Variants in IQCM observed in about 807,000 individuals in gnomAD.
IQCM encodes IQ motif containing M.
Under a neutral mutation model 57.6 loss-of-function variants are expected in IQCM, and 45 were observed. That is an observed-to-expected ratio of 0.78 (90% CI 0.62 to 1.00). IQCM has a LOEUF of 1.00. IQCM is among the 50% of genes least tolerant of loss of function. The probability of loss-of-function intolerance (pLI) is 0.00; values close to 1 mark genes in which losing one functional copy is unlikely to be tolerated. For missense variants in IQCM, 468 were observed against 511.6 expected, an observed-to-expected ratio of 0.91 and a Z score of 0.82; for synonymous variants, 148 against 158.9, an observed-to-expected ratio of 0.93 and a Z score of 0.51.
chr4:149,715,098 G>A (rs901195288), intron 5 of IQCM, among the ~76,000 whole-genome samples: 18 of 152,148 alleles, frequency 1.2e-4, no homozygotes, highest in African/African-American at 3.9e-4. Flanking sequence ...GGATCCTTGG[G>A]GCATCACTTC....
intron 13 of IQCM, among the ~76,000 whole-genome samples, chr4:149,412,931 A>G (rs1733491562): frequency 6.6e-6 from 1 of 152,092 alleles, no homozygotes; most frequent in South Asian, 2.1e-4. Context: ...GTGGTGGGTG[A>G]TGGAGTGGAG....
At chr4:149,356,788 A>T (rs1729024749) in intron 13 of IQCM, among the ~76,000 whole-genome samples, 1 of 152,184 alleles carries the variant, frequency 6.6e-6, no homozygotes. Context: ...GAAGAAAGTC[A>T]TTGGTAGCTT....
intron 7 of IQCM, among the ~76,000 whole-genome samples, chr4:149,654,734 C>A (rs1264553140): frequency 6.6e-6 from 1 of 152,088 alleles, no homozygotes; most frequent in Non-Finnish European, 1.5e-5. Context: ...CTTTGGAGCA[C>A]AACATCCAAG....
At chr4:149,728,117 C>A (rs1369907702) in intron 5 of IQCM, among the ~76,000 whole-genome samples, 1 of 152,220 alleles carries the variant, frequency 6.6e-6, no homozygotes, top group Admixed American at 6.5e-5. Context: ...GCTCACTCCT[C>A]TCCAGCTGAT....
At chr4:149,795,798 G>A (rs1159641346) in intron 2 of IQCM, among the ~76,000 whole-genome samples, 1 of 152,168 alleles carries the variant, frequency 6.6e-6, no homozygotes, top group Non-Finnish European at 1.5e-5. Context: ...CTAGCTCCTG[G>A]ATGACACTTC....
chr4:149,440,876 AG>A (rs1735874025), intron 12 of IQCM, among the ~76,000 whole-genome samples: 1 of 152,130 alleles, frequency 6.6e-6, no homozygotes, highest in Non-Finnish European at 1.5e-5. Context: ...CTATAATTTA[AG>A]GCTTGTTTAT....
At chr4:149,656,752 C>T (rs17026361) in intron 7 of IQCM, among the ~76,000 whole-genome samples, 2,056 of 151,974 alleles carry the variant, frequency 0.014, 25 homozygotes, top group Admixed American at 0.02. Flanking sequence ...TGCACTGGTA[C>T]GTAGGGCGGA....
chr4:149,506,195 A>G (rs1743796644), intron 12 of IQCM, among the ~76,000 whole-genome samples: 1 of 152,210 alleles, frequency 6.6e-6, no homozygotes, highest in Non-Finnish European at 1.5e-5. Context: ...GTCCTTGGGA[A>G]CATTCAGGGG....
At chr4:149,778,190 C>T (rs532663906) in intron 2 of IQCM, among the ~76,000 whole-genome samples, 13 of 152,266 alleles carry the variant, frequency 8.5e-5, no homozygotes, top group African/African-American at 2.9e-4. Flanking sequence ...TCCTGGCTAA[C>T]ACGGTGAAAC....
intron 13 of IQCM, among the ~76,000 whole-genome samples, chr4:149,418,625 G>A (rs1429041153): frequency 6.6e-6 from 1 of 152,018 alleles, no homozygotes; most frequent in East Asian, 1.9e-4. Context: ...AAACCTGACA[G>A]AGATTCAATA....
At chr4:149,380,394 T>C (rs1431668595) in intron 13 of IQCM, among the ~76,000 whole-genome samples, 2 of 152,136 alleles carry the variant, frequency 1.3e-5, no homozygotes, top group African/African-American at 4.8e-5. Context: ...TTATTCCAGA[T>C]GTAATTACAA....
At chr4:149,731,973 C>T (rs1424222467) in intron 5 of IQCM, among the ~76,000 whole-genome samples, 1 of 152,122 alleles carries the variant, frequency 6.6e-6, no homozygotes, top group Non-Finnish European at 1.5e-5. Context: ...AGCCCTCCTC[C>T]ACACTTTATG....
intron 12 of IQCM, among the ~76,000 whole-genome samples, chr4:149,456,951 T>C (rs1021355441): frequency 2.0e-5 from 3 of 152,056 alleles, no homozygotes; most frequent in African/African-American, 4.8e-5. Context: ...ACACATGAGA[T>C]TGCATCAATT....
intron 7 of IQCM, among the ~76,000 whole-genome samples, chr4:149,664,779 T>A (rs1364305175): frequency 6.6e-6 from 1 of 152,080 alleles, no homozygotes; most frequent in Non-Finnish European, 1.5e-5. Context: ...TACAAGCAAG[T>A]TCTGCAAGTC....
intron 13 of IQCM, among the ~76,000 whole-genome samples, chr4:149,424,248 C>T (rs1298521765): frequency 6.6e-6 from 1 of 151,488 alleles, no homozygotes; most frequent in Non-Finnish European, 1.5e-5. Context: ...ATAAAATGGC[C>T]TCATTTCTCC....
intron 10 of IQCM, among the ~76,000 whole-genome samples, chr4:149,556,133 C>T (rs1341538112): frequency 6.6e-6 from 1 of 152,082 alleles, no homozygotes; most frequent in Admixed American, 6.5e-5. Flanking sequence ...AAAAAAAGTA[C>T]AAATTTCTAC....
rs181731844 is a variant in IQCM at position 149,412,540 on chromosome 4, T to G, written c.1390+20856A>C. On this transcript the variant is annotated intron_variant, in intron 13 of 13. Coordinates refer to ENST00000636793, the MANE Select transcript of IQCM (RefSeq NM_001363507.2). ...ACAATCTCACATTTCTTCTACTCAC[T>G]CATTCAAAACTATTTACTGAGCACT... is the stretch of plus-strand genomic sequence containing the variant. 7.8e-4 allele frequency among the ~76,000 whole-genome samples: 119 copies of G among 152,264 alleles called. 1 individual carries two copies. Among genetic ancestry groups the G allele is most frequent in the Admixed American group, 5.2e-4 (8 of 15,288 alleles).
intron 7 of IQCM, among the ~76,000 whole-genome samples, chr4:149,629,413 C>A (rs551730004): frequency 6.6e-6 from 1 of 151,894 alleles, no homozygotes; most frequent in Non-Finnish European, 1.5e-5. Context: ...AATATAATGG[C>A]GATTTTGATT....
chr4:149,361,170 T>G (rs1218692193), intron 13 of IQCM, among the ~76,000 whole-genome samples: 5 of 152,222 alleles, frequency 3.3e-5, no homozygotes, highest in African/African-American at 1.2e-4. Context: ...ATTTAGGGTA[T>G]CCGGTGGAAG....
Sources: gnomAD v4.1 joint callset for allele counts (sites outside exome capture counted in the v4.1 genomes callset) on GRCh38, gnomAD v4.1.1 for gene constraint, MANE v1.5 for transcripts, NCBI Gene and HGNC (gene_info 2026-07-23, HGNC 2026-07-21) for gene names.